Variants in CMIP observed in about 807,000 individuals in gnomAD.
The protein encoded by CMIP is C-Maf-inducing protein.
CMIP carries 13 observed loss-of-function variants against 97.3 expected under a neutral mutation model. The observed-to-expected ratio is 0.13, with a 90% CI of 0.09 to 0.21. The LOEUF (loss-of-function observed/expected upper bound fraction) is 0.21. Among genes scored for constraint, CMIP ranks in the 10% least tolerant of loss-of-function variants. The pLI, the probability that CMIP is intolerant of heterozygous loss-of-function variation, is 1.00. For missense variants in CMIP, 847 were observed against 1,024.9 expected, an observed-to-expected ratio of 0.83 and a Z score of 2.37; for synonymous variants, 538 against 436.3, an observed-to-expected ratio of 1.23 and a Z score of -2.91.
intron 1 of CMIP, among the ~76,000 whole-genome samples, chr16:81,498,793 C>T (rs1003942686): frequency 3.9e-5 from 6 of 152,208 alleles, no homozygotes; most frequent in Admixed American, 6.5e-5. Flanking sequence ...CTTGCACATC[C>T]GTGCACACCC....
rs186979692 is a variant in CMIP at position 81,636,322 on chromosome 16, C to T, written c.477+15396C>T. On this transcript the variant is annotated intron_variant, in intron 3 of 20. Transcript: ENST00000537098. Reference sequence around the variant, plus strand: ...TTCTGGCCCGGTGTGGTGGCTCGTGCCTGTAATCCCAGCACTTTGGGAGGC... The same window carrying T: ...TTCTGGCCCGGTGTGGTGGCTCGTGTCTGTAATCCCAGCACTTTGGGAGGC... Among the ~76,000 whole-genome samples, 1,446 of 152,206 alleles carry T rather than the reference C, an allele frequency of 9.5e-3. 11 individuals carry two copies. Among genetic ancestry groups the T allele is most frequent in the Non-Finnish European group, 0.015 (1,020 of 68,020 alleles).
intron 6 of CMIP, among the ~76,000 whole-genome samples, chr16:81,663,756 C>G (rs2092573131): frequency 6.6e-6 from 1 of 152,144 alleles, no homozygotes; most frequent in Non-Finnish European, 1.5e-5. Context: ...ACCAATGAGA[C>G]CAGCTTGTGG....
intron 10 of CMIP, among the ~76,000 whole-genome samples, chr16:81,680,284 G>A (rs1356301880): frequency 6.6e-6 from 1 of 152,220 alleles, no homozygotes; most frequent in African/African-American, 2.4e-5. Context: ...TGTTGCTCCT[G>A]GAGCCTGCTC....
At chr16:81,668,547 C>T (rs146055534) in intron 7 of CMIP, among the ~76,000 whole-genome samples, 2 of 152,276 alleles carry the variant, frequency 1.3e-5, no homozygotes, top group African/African-American at 2.4e-5. Context: ...GGCCCTCAGC[C>T]GGCACAGGCA....
intron 11 of CMIP, among the ~76,000 whole-genome samples, chr16:81,692,661 C>A (rs572076633): frequency 1.3e-5 from 2 of 152,344 alleles, no homozygotes; most frequent in South Asian, 2.1e-4. Context: ...AGAAATCCAC[C>A]TCCTAAGAGG....
At chr16:81,520,569 G>GAGGAGAGAGAGAGAGA (rs2090000959) in intron 1 of CMIP, 1 of 106,950 alleles carries the variant, frequency 9.4e-6, no homozygotes, top group African/African-American at 4.4e-5. Context: ...GGAGGAAGGG[G>GAGGAGAGAGAGAGAGA]GAGAGAGAGA....
Position 81,621,697 on chromosome 16 carries a change from GCTGTCATC to G in CMIP, c.477+774_477+781del. 1 of 152,818 alleles carries G rather than the reference GCTGTCATC, an allele frequency of 6.5e-6. No homozygotes were observed. 9.5% of individuals were successfully genotyped at this position (152,818 alleles called of 1,614,324 possible). ...GGCTGGAATGACCAGTGTGTCATAA[GCTGTCATC>G]CTTACAGTAAGCTGGGGAGCCACAG... On this transcript the variant is annotated intron_variant, in intron 3 of 20. Coordinates refer to ENST00000537098, the MANE Select transcript of CMIP (RefSeq NM_198390.3). This position sits in a 1 kb window ranked among gnomAD's most constrained non-coding sequence, Gnocchi z 4.1.
At chr16:81,598,137 G>T (rs575584850) in intron 1 of CMIP, among the ~76,000 whole-genome samples, 2 of 152,178 alleles carry the variant, frequency 1.3e-5, no homozygotes, top group Non-Finnish European at 2.9e-5. Context: ...TGCTCGGGAA[G>T]AAGGTGTTTT....
intron 1 of CMIP, among the ~76,000 whole-genome samples, chr16:81,448,155 A>G (rs1905978964): frequency 6.6e-6 from 1 of 152,176 alleles, no homozygotes; most frequent in African/African-American, 2.4e-5. Context: ...TATGTTTCCT[A>G]TAGAGTCATA....
intron 1 of CMIP, among the ~76,000 whole-genome samples, chr16:81,523,538 C>T (rs1335860709): frequency 6.6e-6 from 1 of 152,200 alleles, no homozygotes; most frequent in Non-Finnish European, 1.5e-5. Flanking sequence ...TACCTGGGCC[C>T]CGGCCAAGCA....
intron 1 of CMIP, among the ~76,000 whole-genome samples, chr16:81,554,138 T>C (rs989203767): frequency 6.6e-6 from 1 of 152,228 alleles, no homozygotes; most frequent in East Asian, 1.9e-4. Context: ...GCCAAACTCA[T>C]TGAGGGCGGA....
intron 3 of CMIP, among the ~76,000 whole-genome samples, chr16:81,641,661 G>A (rs568801134): frequency 6.6e-6 from 1 of 152,324 alleles, no homozygotes; most frequent in South Asian, 2.1e-4. Context: ...GAGCACAGGA[G>A]GCCACCACCG....
At chr16:81,517,253 A>C (rs59057708) in intron 1 of CMIP, among the ~76,000 whole-genome samples, 3 of 95,386 alleles carry the variant, frequency 3.1e-5, no homozygotes, top group East Asian at 4.6e-4. Context: ...TCAGTGAAAA[A>C]CCAGACGGCC....
chr16:81,626,786 AGAGT>A (rs138677752), intron 3 of CMIP, among the ~76,000 whole-genome samples: 38,397 of 101,830 alleles, frequency 0.38, 7,422 homozygotes, highest in East Asian at 0.46. Context: ...AGAGAGAGAG[AGAGT>A]GTGTGTGTGT....
At chr16:81,680,174 G>A (rs890785130) in intron 10 of CMIP, among the ~76,000 whole-genome samples, 5 of 152,214 alleles carry the variant, frequency 3.3e-5, no homozygotes, top group Admixed American at 6.5e-5. Context: ...TCGGAAGCCC[G>A]GTGCCTGGGG....
chr16:81,607,216 G>T (rs1483662687), intron 1 of CMIP, among the ~76,000 whole-genome samples: 1 of 152,220 alleles, frequency 6.6e-6, no homozygotes, highest in East Asian at 1.9e-4. Flanking sequence ...AGGAGAAGGT[G>T]GTGGCTTATT....
chr16:81,683,824 C>A lies in CMIP; in HGVS notation c.1388+5196C>A, dbSNP rs572237448. ...TCACCCAGGCTGCAGTGCAGTGACG[C>A]GATCTCAGCTCACTGCAACCTCTGC... is the stretch of plus-strand genomic sequence containing the variant. On this transcript the variant is annotated intron_variant, in intron 10 of 20. Transcript: ENST00000537098. 8.1e-5 allele frequency among the ~76,000 whole-genome samples: 11 copies of A among 136,150 alleles called. No individual in the cohort carries two copies. In the Admixed American group the frequency reaches 8.8e-4, roughly 11 times the overall value. The allele number at this position is 136,150 out of a possible 152,430, so 89.3% of individuals were successfully genotyped here.
intron 1 of CMIP, among the ~76,000 whole-genome samples, chr16:81,513,761 G>T (rs1183882141): frequency 3.9e-5 from 6 of 152,250 alleles, no homozygotes; most frequent in Non-Finnish European, 8.8e-5. Flanking sequence ...GCCCTAGCTG[G>T]CTCCAGACTT....
At chr16:81,452,839 C>T (rs1230066467) in intron 1 of CMIP, among the ~76,000 whole-genome samples, 1 of 140,864 alleles carries the variant, frequency 7.1e-6, no homozygotes, top group Non-Finnish European at 1.6e-5. Flanking sequence ...AGCTTCCATT[C>T]TTTTGCTTCT....
Sources: allele counts gnomAD v4.1 joint callset (sites outside exome capture counted in the v4.1 genomes callset), GRCh38; gene constraint gnomAD v4.1.1; non-coding constraint Gnocchi (gnomAD v3.1); transcripts MANE v1.5; gene names NCBI Gene and HGNC (gene_info 2026-07-23, HGNC 2026-07-21).